CR2: variants seen among roughly 807,000 people sequenced by gnomAD.
CR2 encodes the protein complement C3d receptor 2.
In CR2, 96 loss-of-function variants were observed where a neutral mutation model predicts 123.0. The ratio of observed to expected loss-of-function variants is 0.78; its 90% confidence interval spans 0.66 to 0.93. The LOEUF (loss-of-function observed/expected upper bound fraction) is 0.93, where lower values mean the gene tolerates loss of function less well. Among genes scored for constraint, CR2 ranks in the 40% least tolerant of loss-of-function variants. The pLI, the probability that CR2 is intolerant of heterozygous loss-of-function variation, is 0.00. For missense variants in CR2, 1,258 were observed against 1,361.0 expected (o/e 0.92, Z 1.19); for synonymous variants, 484 against 469.5 (o/e 1.03, Z -0.40).
chr1:207,489,764 A>T lies in CR2; in HGVS notation c.*641A>T, dbSNP rs2102318407. The T allele has an allele frequency of 6.6e-6, 1 of 152,208 alleles. No homozygotes were observed. The highest frequency in any genetic ancestry group is 1.9e-4 in the East Asian group (1 of 5,192). The allele number at this position is 152,208 out of a possible 1,614,324, so 9.4% of individuals were successfully genotyped here. A position where few individuals can be genotyped will look rare whatever the true frequency, so the allele number is the denominator to read the frequency against. Reference sequence around the variant, plus strand: ...TGGGAATCAAGATTTAATCCTAGAGATTTGGTGTACAATTCAGGCTTTGGA... The same window carrying T: ...TGGGAATCAAGATTTAATCCTAGAGTTTTGGTGTACAATTCAGGCTTTGGA... On this transcript the variant is annotated 3_prime_UTR_variant, in exon 20 of 20. Transcript: ENST00000367057.
rs780547585 is a variant in CR2, at chr1:207,474,954, A to T, written c.2454A>T (p.Lys818Asn). ...DQGFYLLGEKKLQCRSDSKGH... is the reference protein window; with the variant it reads ...DQGFYLLGEKNLQCRSDSKGH... ...GATTCTATCTCCTGGGAGAGAAAAA[A>T]TTGCAGTGCAGAAGTGATTCTAAAG... Residue 818 changes from lysine to asparagine, a missense_variant, in exon 14 of 20, where the codon AAA (lysine) becomes AAT (asparagine). Transcript: ENST00000367057. 1 of 1,614,042 alleles carries T rather than the reference A, an allele frequency of 6.2e-7. No individual in the cohort carries two copies. The highest frequency in any genetic ancestry group is 1.3e-5 in the African/African-American group (1 of 74,920).
Position 207,475,140 on chromosome 1 carries a change from C to G in CR2, c.2640C>G (p.Ile880Met), listed in dbSNP as rs1191307581. 1 of 1,612,598 alleles carries G rather than the reference C, an allele frequency of 6.2e-7. No individual in the cohort carries two copies. The highest frequency in any genetic ancestry group is 8.5e-7 in the Non-Finnish European group (1 of 1,179,404). Residue 880 changes from isoleucine to methionine, a missense_variant, in exon 14 of 20, where the codon ATC becomes ATG. By Grantham distance (10) the Ile-to-Met change is conservative. Transcript: ENST00000367057. The part of the protein sequence containing the change: ...IVYVDCNPGF[I>M]MNGSRVIRCH... ...ATGTTGACTGCAATCCTGGCTTCATCATGAATGGTAGTCGCGTGATTAGGT... is the reference window on the plus strand; with the variant it reads ...ATGTTGACTGCAATCCTGGCTTCATGATGAATGGTAGTCGCGTGATTAGGT...
intron 5 of CR2, 109 bp from the exon 6 acceptor site, chr1:207,469,586 A>G (rs1461544462): frequency 2.0e-6 from 2 of 1,015,128 alleles, no homozygotes; most frequent in Middle Eastern, 2.1e-4. Context: ...CTGATTCATT[A>G]TAGACTCGGA....
chr1:207,469,347 A>C, intron 5 of CR2, 115 bp downstream of exon 5: 1 of 884,242 alleles, frequency 1.1e-6, no homozygotes, highest in East Asian at 2.4e-5. Flanking sequence ...GAGATCTTTA[A>C]GGATATGTGC....
chr1:207,486,220 G>T (rs1658744504), intron 19 of CR2, among the ~76,000 whole-genome samples: 1 of 92,218 alleles, frequency 1.1e-5, no homozygotes. Flanking sequence ...AACAGAGCAA[G>T]ACTGCATCTC....
rs761805929 is a variant in CR2, at chr1:207,469,974, A to C, written c.1097A>C (p.Lys366Thr). ...AGAGGCCGAATGGTATCTGGGCAGA[A>C]AGATCGATATACCTATAACGACACT... The part of the protein sequence containing the change: ...ILRGRMVSGQ[K>T]DRYTYNDTVI... Residue 366 changes from lysine (K) to threonine (T), a missense_variant, in exon 6 of 20, where the codon AAA (lysine) becomes ACA (threonine). Coordinates refer to ENST00000367057, the MANE Select transcript of CR2 (RefSeq NM_001006658.3). The C allele has an allele frequency of 6.2e-7, 1 of 1,613,964 alleles. No individual in the cohort carries two copies. The highest frequency in any genetic ancestry group is 8.5e-7 in the Non-Finnish European group (1 of 1,179,922).
intron 12 of CR2, 47 bp from the exon 13 acceptor site, chr1:207,474,194 A>G (rs371542349): frequency 2.1e-4 from 296 of 1,404,888 alleles, no homozygotes; most frequent in Non-Finnish European, 2.1e-4. Flanking sequence ...GTTTGAAGAG[A>G]TATGATATTG....
intron 16 of CR2, among the ~76,000 whole-genome samples, chr1:207,478,809 C>T (rs1658519675): frequency 6.6e-6 from 1 of 151,804 alleles, no homozygotes; most frequent in Non-Finnish European, 1.5e-5. Flanking sequence ...TATTTGCATT[C>T]TAACCTGAGA....
At position 207,471,195 on chromosome 1, in the gene CR2, T is replaced by A; in HGVS notation, c.1493+108T>A. 3 of 1,169,308 alleles carry A rather than the reference T, an allele frequency of 2.6e-6. No individual in the cohort carries two copies. In the South Asian group the frequency reaches 3.7e-5, roughly 14 times the overall value. The allele number at this position is 1,169,308 out of a possible 1,614,324, so 72.4% of individuals were successfully genotyped here. A position where few individuals can be genotyped will look rare whatever the true frequency, so the allele number is the denominator to read the frequency against. On this transcript the variant is annotated intron_variant, in intron 8 of 19. Coordinates refer to ENST00000367057, the MANE Select transcript of CR2 (RefSeq NM_001006658.3). ...CACCCTGCAAGCTCTATGTAAGAGTTTGTCTCATAGGTGCTTGCCTGTCAC... is the reference window on the plus strand; with the variant it reads ...CACCCTGCAAGCTCTATGTAAGAGTATGTCTCATAGGTGCTTGCCTGTCAC...
At chr1:207,488,943 T>C (rs575250805) in intron 19 of CR2, among the ~76,000 whole-genome samples, 199 bp from the exon 20 acceptor site, 2 of 152,240 alleles carry the variant, frequency 1.3e-5, no homozygotes, top group Non-Finnish European at 2.9e-5. Flanking sequence ...TATGAATGTA[T>C]ATAAAATGTA....
In CR2 at chr1:207,468,500, T is replaced by A. The variant is rs377004857; in HGVS notation, c.446-27T>A. The A allele has an allele frequency of 4.5e-5, 72 of 1,613,094 alleles. No homozygotes were observed. The African/African-American group carries it at 9.1e-4, about 20-fold the overall frequency. ...GTGAAGGATGCATCATCTGACGGCT[T>A]TTTTTTCCTGGTATGTGTGTGTAAA... On this transcript the variant is annotated intron_variant, in intron 2 of 19. Coordinates refer to ENST00000367057, the MANE Select transcript of CR2 (RefSeq NM_001006658.3).
intron 15 of CR2, among the ~76,000 whole-genome samples, chr1:207,476,645 T>C (rs1359322621): frequency 6.6e-6 from 1 of 152,176 alleles, no homozygotes; most frequent in Non-Finnish European, 1.5e-5. Context: ...CATTTACACA[T>C]AGAAAGTTGG....
chr1:207,478,204 C>G (rs563419102), intron 16 of CR2, 134 bp downstream of exon 16: 1 of 986,714 alleles, frequency 1.0e-6, no homozygotes, highest in East Asian at 2.6e-5. Flanking sequence ...TACAGAGGAA[C>G]TTGAAGTCAG....
rs771075787 is a variant in CR2 at position 207,471,064 on chromosome 1, T to G, written c.1470T>G (p.Asp490Glu). 1 of 1,613,578 alleles carries G rather than the reference T, an allele frequency of 6.2e-7. No individual in the cohort carries two copies. The highest frequency in any genetic ancestry group is 8.5e-7 in the Non-Finnish European group (1 of 1,179,816). The change falls in exon 8 of 20, where the codon GAT becomes GAG. Residue 490 changes from aspartate to glutamate, a missense_variant. Coordinates refer to ENST00000367057, the MANE Select transcript of CR2 (RefSeq NM_001006658.3). ...CCCAGCACCAATTTGTTAGACCAGATGTCAACTCTTCTTGTGGTGAAGGGT... is the reference window on the plus strand; with the variant it reads ...CCCAGCACCAATTTGTTAGACCAGAGGTCAACTCTTCTTGTGGTGAAGGGT... ...TKPQHQFVRP[D>E]VNSSCGEGYK...
intron 18 of CR2, among the ~76,000 whole-genome samples, chr1:207,481,322 A>G (rs1436330786): frequency 1.3e-5 from 2 of 152,008 alleles, no homozygotes; most frequent in Non-Finnish European, 2.9e-5. Context: ...CAGATAAAGC[A>G]CGCCTATTCA....
chr1:207,488,394 G>A (rs1171775592), intron 19 of CR2, among the ~76,000 whole-genome samples: 1 of 152,186 alleles, frequency 6.6e-6, no homozygotes, highest in Non-Finnish European at 1.5e-5. Flanking sequence ...GGGAGGCCAA[G>A]GCAGGCAGAT....
rs574987433 is a variant in CR2, at chr1:207,460,335, A to G, written c.58+5859A>G. On this transcript the variant is annotated intron_variant, in intron 1 of 19. Transcript: ENST00000367057. ...GACCTATAGTGATATCTGGCTCCCA[A>G]TAATGATGCCTATTCTTAGAACCAG... is the stretch of plus-strand genomic sequence containing the variant. Among the ~76,000 whole-genome samples, 31 of 152,310 alleles carry G rather than the reference A, an allele frequency of 2.0e-4. No homozygotes were observed. In the South Asian group the frequency reaches 4.6e-3, roughly 22 times the overall value.
At chr1:207,488,595 G>A (rs1301740271) in intron 19 of CR2, among the ~76,000 whole-genome samples, 1 of 152,178 alleles carries the variant, frequency 6.6e-6, no homozygotes, top group South Asian at 2.1e-4. Flanking sequence ...CTGCACTCCA[G>A]CCTGCTGACA....
At chr1:207,474,129 G>GA in intron 12 of CR2, 112 bp from the exon 13 acceptor site, 1 of 1,022,210 alleles carries the variant, frequency 9.8e-7, no homozygotes. Context: ...TTTTTTACTA[G>GA]AATTTCAACT....
Sources: allele counts gnomAD v4.1 joint callset (sites outside exome capture counted in the v4.1 genomes callset), GRCh38; gene constraint gnomAD v4.1.1; transcripts MANE v1.5; gene names NCBI Gene and HGNC (gene_info 2026-07-23, HGNC 2026-07-21).